Variants in ERCC6 observed in about 807,000 individuals in gnomAD.
ERCC6 encodes the protein ERCC excision repair 6, chromatin remodeling factor.
A neutral mutation model predicts 158.7 loss-of-function variants in ERCC6; 116 were observed. The ratio of observed to expected loss-of-function variants is 0.73; its 90% CI spans 0.63 to 0.85. The LOEUF is 0.85. Among genes scored for constraint, ERCC6 ranks in the 40% least tolerant of loss-of-function variants. The probability of loss-of-function intolerance (pLI) is 0.00; values close to 1 mark genes in which losing one functional copy is unlikely to be tolerated. For synonymous variants in ERCC6, 678 were observed against 659.3 expected (o/e 1.03, Z -0.43); for missense variants, 1,698 against 1,799.4 (o/e 0.94, Z 1.02).
intron 5 of ERCC6, chr10:49,516,337 A>T (rs1161469408): frequency 1.2e-6 from 2 of 1,614,136 alleles, no homozygotes; most frequent in Middle Eastern, 1.6e-4. Flanking sequence ...TTTGGAACAA[A>T]TTTCATGCAT....
At chr10:49,454,377 G>A (rs1444037797), downstream of ERCC6, among the ~76,000 whole-genome samples, 6 of 152,170 alleles carry the variant, frequency 3.9e-5, no homozygotes, top group South Asian at 2.1e-4. Context: ...TGAGGGAGAC[G>A]GAGCTCTGTT....
intron 5 of ERCC6, chr10:49,515,720 T>C (rs1836931499): frequency 6.2e-7 from 1 of 1,614,166 alleles, no homozygotes; most frequent in Non-Finnish European, 8.5e-7. Flanking sequence ...TTTCATCAGC[T>C]CTGTCTACGC....
intron 3 of ERCC6, among the ~76,000 whole-genome samples, chr10:49,529,010 T>A (rs1837407123): frequency 6.6e-6 from 1 of 152,166 alleles, no homozygotes; most frequent in Admixed American, 6.5e-5. Flanking sequence ...TTTATGACTG[T>A]CCTTTTAGTA....
rs781424901 is a variant in ERCC6 at position 49,524,029 on chromosome 10, C to T, written c.1397+4G>A. The T allele has an allele frequency of 9.9e-6, 16 of 1,612,740 alleles. No homozygotes were observed. In the Middle Eastern group the frequency reaches 8.2e-4, roughly 83 times the overall value. ...CAATGTATTTATAATCCCCACAGAC[C>T]GACCTTAACCGCTGCTTATAATAAT... On this transcript the variant is annotated splice_donor_region_variant and intron_variant, in intron 5 of 20. Transcript: ENST00000355832.
At position 49,530,751 on chromosome 10, in the gene ERCC6, A is replaced by AT; in HGVS notation, c.511_512insA (p.Leu171HisfsTer10). 1 of 1,613,754 alleles carries AT rather than the reference A, an allele frequency of 6.2e-7. No homozygotes were observed. Among genetic ancestry groups the AT allele is most frequent in the Non-Finnish European group, 8.5e-7 (1 of 1,179,858 alleles). ...ATACTTCTGTCGTTTTACAGAATCT[A>AT]GTTTCCTGTTGATGTCTCTGCTGGT... On this transcript the variant is annotated frameshift_variant, in exon 3 of 21. Transcript: ENST00000355832. LOFTEE classifies it high-confidence loss of function.
intron 5 of ERCC6, chr10:49,515,288 A>G (rs1255592042): frequency 6.4e-7 from 1 of 1,561,748 alleles, no homozygotes; most frequent in African/African-American, 1.4e-5. Flanking sequence ...CACTGTACAT[A>G]ATGTATAAAA....
At chr10:49,477,801 T>A (rs1433052750) in intron 11 of ERCC6, among the ~76,000 whole-genome samples, 1 of 152,202 alleles carries the variant, frequency 6.6e-6, no homozygotes, top group East Asian at 1.9e-4. Context: ...CTCCTTCGCC[T>A]TCTTTAGGCC....
chr10:49,526,099 TTATATATTTATATATTTTTATATATATA>T (rs1837318140), intron 4 of ERCC6, among the ~76,000 whole-genome samples: 2 of 97,620 alleles, frequency 2.0e-5, no homozygotes, highest in Non-Finnish European at 3.9e-5. Context: ...ATTTATATAT[TTATATATTTATATATTTTTATATATATA>T]TATATATATA....
chr10:49,440,564 T>C, the ERCC6 span, among the ~76,000 whole-genome samples: 14 of 152,178 alleles, frequency 9.2e-5, no homozygotes, highest in Non-Finnish European at 2.1e-4. Context: ...TTTTGTCACA[T>C]GTATGTCTTT....
intron 5 of ERCC6, among the ~76,000 whole-genome samples, chr10:49,511,033 G>A (rs1851524730): frequency 1.3e-5 from 2 of 151,826 alleles, no homozygotes; most frequent in Middle Eastern, 6.8e-3. Flanking sequence ...AAGATAAGGA[G>A]AAGGAAAGCT....
chr10:49,534,407 A>G (rs10857502), intron 1 of ERCC6, among the ~76,000 whole-genome samples: 131,590 of 152,250 alleles, frequency 0.86, 57,451 homozygotes, highest in East Asian at 1. Context: ...CAGGTGCAAG[A>G]ATGTTTAGTG....
chr10:49,520,670 C>G (rs183782033), intron 5 of ERCC6, among the ~76,000 whole-genome samples: 5 of 152,224 alleles, frequency 3.3e-5, no homozygotes, highest in Admixed American at 1.3e-4. Context: ...CACTAAGGAA[C>G]TGCACACTCT....
At chr10:49,503,216 A>T (rs1316112503) in intron 6 of ERCC6, 1 of 152,162 alleles carries the variant, frequency 6.6e-6, no homozygotes, top group Non-Finnish European at 1.5e-5. Flanking sequence ...AGAAATGGTA[A>T]ACAGCATAGG....
At chr10:49,524,944 T>C (rs1426368307) in intron 4 of ERCC6, 167 bp from the exon 5 acceptor site, 8 of 1,458,188 alleles carry the variant, frequency 5.5e-6, no homozygotes, top group Admixed American at 4.7e-5. Context: ...AATAAAATTA[T>C]AGCATCATGC....
chr10:49,506,056 A>G (rs1851437537), intron 5 of ERCC6, 44 bp from the exon 6 acceptor site: 1 of 1,608,578 alleles, frequency 6.2e-7, no homozygotes, highest in African/African-American at 1.3e-5. Flanking sequence ...TTTGATCACA[A>G]GACAGATTTA....
intron 12 of ERCC6, among the ~76,000 whole-genome samples, chr10:49,474,497 T>C (rs535542084): frequency 6.6e-6 from 1 of 152,302 alleles, no homozygotes; most frequent in East Asian, 1.9e-4. Flanking sequence ...TCATATTCAA[T>C]TGCTGATAAT....
intron 10 of ERCC6, among the ~76,000 whole-genome samples, chr10:49,481,978 G>T (rs546961992): frequency 6.6e-6 from 1 of 152,240 alleles, no homozygotes; most frequent in East Asian, 1.9e-4. Context: ...GCATCCTCCA[G>T]AGTCCTGCTC....
At position 49,515,447 on chromosome 10, in the gene ERCC6, G is replaced by C. The variant is rs777790671; in HGVS notation, c.1397+8586C>G. The C allele has an allele frequency of 3.7e-6, 6 of 1,614,086 alleles. No individual in the cohort carries two copies. In the Admixed American group the frequency reaches 1.0e-4, roughly 27 times the overall value. Reference sequence around the variant, plus strand: ...CGCATCGCGTTTGCTTTCCCTGTTTGACTATCACATGATTTATGCCATCAT... The same window carrying C: ...CGCATCGCGTTTGCTTTCCCTGTTTCACTATCACATGATTTATGCCATCAT... On this transcript the variant is annotated intron_variant, in intron 5 of 20. Coordinates refer to ENST00000355832, the MANE Select transcript of ERCC6 (RefSeq NM_000124.4).
At chr10:49,445,843 T>G in the ERCC6 span, among the ~76,000 whole-genome samples, 1 of 152,022 alleles carries the variant, frequency 6.6e-6, no homozygotes, top group African/African-American at 2.4e-5. Flanking sequence ...CAGACAAAAA[T>G]ATGGGCTTGC....
Sources: allele counts gnomAD v4.1 joint callset (sites outside exome capture counted in the v4.1 genomes callset), GRCh38; gene constraint gnomAD v4.1.1; transcripts MANE v1.5; gene names NCBI Gene and HGNC (gene_info 2026-07-23, HGNC 2026-07-21).